The following FIG4 variants were observed in gnomAD, a reference collection of about 807,000 sequenced individuals.
FIG4 encodes the protein FIG4 phosphoinositide 5-phosphatase.
FIG4 carries 112 observed loss-of-function variants against 118.6 expected under a neutral mutation model. That is an observed-to-expected ratio of 0.94 (90% CI 0.81 to 1.11). The LOEUF (loss-of-function observed/expected upper bound fraction) is 1.11, where lower values mean the gene tolerates loss of function less well. Among genes scored for constraint, FIG4 ranks in the 50% least tolerant of loss-of-function variants. The probability of loss-of-function intolerance (pLI) is 0.00; values close to 1 mark genes in which losing one functional copy is unlikely to be tolerated. For synonymous variants in FIG4, 369 were observed against 381.2 expected, an observed-to-expected ratio of 0.97 and a Z score of 0.37; for missense variants, 969 against 1,111.7, an observed-to-expected ratio of 0.87 and a Z score of 1.83.
chr6:109,699,719 G>T (rs1328539836), intron 1 of FIG4, among the ~76,000 whole-genome samples: 1 of 152,024 alleles, frequency 6.6e-6, no homozygotes, highest in Non-Finnish European at 1.5e-5. Context: ...GGCTAGCCTG[G>T]TCTCGAACTC....
intron 5 of FIG4, 72 bp downstream of exon 5, chr6:109,732,759 G>T: frequency 1.1e-6 from 1 of 897,476 alleles, no homozygotes; most frequent in African/African-American, 1.6e-5. Context: ...GGTAAAAGCA[G>T]AATGAGAACA....
At chr6:109,720,125 G>A (rs983888590) in intron 3 of FIG4, among the ~76,000 whole-genome samples, 4 of 152,134 alleles carry the variant, frequency 2.6e-5, no homozygotes, top group East Asian at 1.9e-4. Context: ...AGACAATAAC[G>A]TACTGGTAAA....
At chr6:109,802,023 A>G (rs1159134581) in intron 22 of FIG4, among the ~76,000 whole-genome samples, 1 of 152,188 alleles carries the variant, frequency 6.6e-6, no homozygotes, top group African/African-American at 2.4e-5. Flanking sequence ...ATCAGTGATT[A>G]ATCAGCTAAT....
At chr6:109,769,372 T>C (rs893363423) in intron 15 of FIG4, among the ~76,000 whole-genome samples, 5 of 152,170 alleles carry the variant, frequency 3.3e-5, no homozygotes, top group African/African-American at 9.7e-5. Flanking sequence ...GGCAAAATTA[T>C]GCACAACTGA....
intron 22 of FIG4, among the ~76,000 whole-genome samples, chr6:109,808,204 G>A (rs1436774331): frequency 6.6e-6 from 1 of 151,964 alleles, no homozygotes; most frequent in Non-Finnish European, 1.5e-5. Context: ...ATAAAGCAAA[G>A]GTCCTCAAAA....
At chr6:109,691,654 C>T (rs969958551) in intron 1 of FIG4, among the ~76,000 whole-genome samples, 153 bp downstream of exon 1, 7 of 152,180 alleles carry the variant, frequency 4.6e-5, no homozygotes, top group Admixed American at 1.3e-4. Flanking sequence ...AGCTAGCTCC[C>T]TTGAGCTGTG....
intron 1 of FIG4, among the ~76,000 whole-genome samples, chr6:109,695,029 G>A (rs1235803149): frequency 6.6e-6 from 1 of 152,138 alleles, no homozygotes; most frequent in Non-Finnish European, 1.5e-5. Flanking sequence ...CAGTATGGAG[G>A]TTCCTCAAAA....
Position 109,691,299 on chromosome 6 carries a change from C to T in FIG4, c.-137C>T. 1.4e-6 allele frequency: 1 copy of T among 739,526 alleles called. No individual in the cohort carries two copies. Among genetic ancestry groups the T allele is most frequent in the South Asian group, 1.5e-5 (1 of 67,086 alleles). 45.8% of individuals were successfully genotyped at this position (739,526 alleles called of 1,614,324 possible). Reference sequence around the variant, plus strand: ...GCGCAGGGATCCGGAAACACCTGATCATCTATAGGTTTAGTGCCTAATGGG... The same window carrying T: ...GCGCAGGGATCCGGAAACACCTGATTATCTATAGGTTTAGTGCCTAATGGG... On this transcript the variant is annotated 5_prime_UTR_variant, in exon 1 of 23. Transcript: ENST00000230124.
intron 10 of FIG4, among the ~76,000 whole-genome samples, chr6:109,758,441 T>C (rs1035788599): frequency 6.6e-6 from 1 of 152,156 alleles, no homozygotes; most frequent in Non-Finnish European, 1.5e-5. Context: ...TCCTTGCACC[T>C]TATATAAAAA....
chr6:109,785,875 G>A, intron 17 of FIG4: 1 of 334,118 alleles, frequency 3.0e-6, no homozygotes, highest in Non-Finnish European at 6.2e-6. Flanking sequence ...TTGCTGAAAA[G>A]GTTTAGTTGT....
intron 1 of FIG4, among the ~76,000 whole-genome samples, chr6:109,697,340 G>C (rs1774760061): frequency 6.6e-6 from 1 of 152,028 alleles, no homozygotes; most frequent in Admixed American, 6.6e-5. Flanking sequence ...AGTGATTCTG[G>C]CTCAGGGTCT....
At chr6:109,780,747 A>C (rs138191471) in intron 16 of FIG4, among the ~76,000 whole-genome samples, 1 of 152,146 alleles carries the variant, frequency 6.6e-6, no homozygotes, top group African/African-American at 2.4e-5. Flanking sequence ...TATGCCATGA[A>C]ATAATACTTT....
At chr6:109,729,230 A>G (rs1775909355) in intron 4 of FIG4, among the ~76,000 whole-genome samples, 1 of 152,222 alleles carries the variant, frequency 6.6e-6, no homozygotes, top group Non-Finnish European at 1.5e-5. Flanking sequence ...TGGAAAAATT[A>G]TCTTCTTAAT....
chr6:109,722,203 A>C (rs567807864), intron 3 of FIG4, among the ~76,000 whole-genome samples: 1 of 151,286 alleles, frequency 6.6e-6, no homozygotes, highest in East Asian at 1.9e-4. Flanking sequence ...TGTGTCCTCC[A>C]ACTTTAGTGA....
chr6:109,789,151 G>T (rs1189409213), intron 18 of FIG4, among the ~76,000 whole-genome samples: 1 of 152,144 alleles, frequency 6.6e-6, no homozygotes, highest in Non-Finnish European at 1.5e-5. Context: ...TTTGTCATTG[G>T]CCTTTAGGAA....
Position 109,786,383 on chromosome 6 carries a change from T to G in FIG4, c.2030T>G (p.Phe677Cys), listed in dbSNP as rs759777251. Residue 677 changes from phenylalanine (F) to cysteine (C), a missense_variant, in exon 18 of 23, where the codon TTC becomes TGC. Phe to Cys is a radical substitution (Grantham distance 205). Transcript: ENST00000230124. ...GAAGAGATTGATATCCACAATGAGTTCTTTCGGCCATATGAGTTGAGCAGC... is the reference window on the plus strand; with the variant it reads ...GAAGAGATTGATATCCACAATGAGTGCTTTCGGCCATATGAGTTGAGCAGC... The part of the protein sequence containing the change: ...YEEEIDIHNE[F>C]FRPYELSSFD... 1 of 1,614,012 alleles carries G rather than the reference T, an allele frequency of 6.2e-7. No homozygotes were observed. Among genetic ancestry groups the G allele is most frequent in the Non-Finnish European group, 8.5e-7 (1 of 1,179,868 alleles).
At chr6:109,814,785 C>T (rs1583772097) in intron 22 of FIG4, among the ~76,000 whole-genome samples, 1 of 152,130 alleles carries the variant, frequency 6.6e-6, no homozygotes, top group Admixed American at 6.5e-5. Flanking sequence ...GTTCTAGGCT[C>T]ATCATGTCCT....
At chr6:109,711,310 G>T (rs896644234) in intron 1 of FIG4, among the ~76,000 whole-genome samples, 2 of 152,144 alleles carry the variant, frequency 1.3e-5, no homozygotes, top group African/African-American at 2.4e-5. Flanking sequence ...GCTGAGGCAG[G>T]AGAATGGCAT....
chr6:109,791,279 T>G, intron 19 of FIG4, 97 bp from the exon 20 acceptor site: 1 of 1,018,900 alleles, frequency 9.8e-7, no homozygotes, highest in Admixed American at 1.9e-5. Context: ...CATTTTCTTA[T>G]GCTTCACTAG....
Sources: gnomAD v4.1 joint callset for allele counts (sites outside exome capture counted in the v4.1 genomes callset) on GRCh38, gnomAD v4.1.1 for gene constraint, MANE v1.5 for transcripts, NCBI Gene and HGNC (gene_info 2026-07-23, HGNC 2026-07-21) for gene names.